Variants in GRID2 observed in about 807,000 individuals in gnomAD.
GRID2 encodes the protein glutamate receptor ionotropic, delta-2.
GRID2 carries 33 observed loss-of-function variants against 114.8 expected under a neutral mutation model. The ratio of observed to expected loss-of-function variants is 0.29; its 90% CI spans 0.22 to 0.38. The LOEUF (loss-of-function observed/expected upper bound fraction) is 0.38, where lower values mean the gene tolerates loss of function less well. Among genes scored for constraint, GRID2 ranks in the 10% least tolerant of loss-of-function variants. GRID2 has a pLI of 1.00. For missense variants in GRID2, 1,184 were observed against 1,257.7 expected (o/e 0.94, Z 0.89); for synonymous variants, 505 against 449.9 (o/e 1.12, Z -1.55).
intron 8 of GRID2, among the ~76,000 whole-genome samples, chr4:93,375,733 T>C (rs1193297050): frequency 6.6e-6 from 1 of 152,198 alleles, no homozygotes. Flanking sequence ...AAACTCTACC[T>C]CAGGTTAATC....
At chr4:92,869,360 C>T (rs1578350558) in intron 2 of GRID2, among the ~76,000 whole-genome samples, 1 of 152,112 alleles carries the variant, frequency 6.6e-6, no homozygotes, top group East Asian at 1.9e-4. Flanking sequence ...ACCCAAAAAA[C>T]ATTTAAATAG....
chr4:93,249,730 C>T (rs1203037947), intron 8 of GRID2, among the ~76,000 whole-genome samples: 1 of 151,612 alleles, frequency 6.6e-6, no homozygotes, highest in Admixed American at 6.6e-5. Flanking sequence ...ATGCAGCCAA[C>T]AAACATATGA....
At chr4:93,065,475 T>G (rs1728216669) in intron 2 of GRID2, among the ~76,000 whole-genome samples, 1 of 151,886 alleles carries the variant, frequency 6.6e-6, no homozygotes, top group South Asian at 2.1e-4. Flanking sequence ...CTGTTTTTAC[T>G]TTATCTCTCC....
At chr4:92,935,111 A>T in intron 2 of GRID2, among the ~76,000 whole-genome samples, 1 of 146,558 alleles carries the variant, frequency 6.8e-6, no homozygotes, top group East Asian at 2.2e-4. Context: ...AACCTACAAA[A>T]TGGGAGAAAA....
intron 2 of GRID2, among the ~76,000 whole-genome samples, chr4:92,652,431 A>G (rs1731988329): frequency 6.6e-6 from 1 of 151,716 alleles, no homozygotes; most frequent in Non-Finnish European, 1.5e-5. Context: ...TATTCCCAGA[A>G]CTTTGGGAGG....
intron 2 of GRID2, among the ~76,000 whole-genome samples, chr4:92,823,436 T>C (rs1283337944): frequency 6.6e-6 from 1 of 152,262 alleles, no homozygotes; most frequent in East Asian, 1.9e-4. Flanking sequence ...GAATCCGTAA[T>C]AGGTGACATG....
intron 2 of GRID2, among the ~76,000 whole-genome samples, chr4:92,713,891 G>A (rs535993654): frequency 4.3e-4 from 66 of 151,766 alleles, no homozygotes; most frequent in African/African-American, 1.4e-3. Flanking sequence ...ATTTGGGTGG[G>A]GACACAGCCA....
At chr4:92,650,893 CA>C (rs921502184) in intron 2 of GRID2, among the ~76,000 whole-genome samples, 5 of 151,908 alleles carry the variant, frequency 3.3e-5, no homozygotes, top group Non-Finnish European at 7.4e-5. Flanking sequence ...GACCCAACCC[CA>C]CAAGGTATTA....
intron 8 of GRID2, among the ~76,000 whole-genome samples, chr4:93,372,364 T>C (rs1466015497): frequency 1.3e-5 from 1 of 75,234 alleles, no homozygotes; most frequent in East Asian, 4.5e-4. Flanking sequence ...CAGTAGGGAT[T>C]ATAGTAAGAA....
chr4:93,690,584 G>A (rs999091272), intron 14 of GRID2, among the ~76,000 whole-genome samples: 1 of 151,792 alleles, frequency 6.6e-6, no homozygotes, highest in Non-Finnish European at 1.5e-5. Context: ...TATTCTTGAG[G>A]AAAATAGTAA....
At chr4:93,524,107 G>A (rs534040173) in intron 13 of GRID2, among the ~76,000 whole-genome samples, 4 of 152,090 alleles carry the variant, frequency 2.6e-5, no homozygotes, top group African/African-American at 7.2e-5. Flanking sequence ...ATATTAACTA[G>A]GTATATGACC....
In GRID2 at chr4:93,578,587, A is replaced by ATTTTTTTTT. The variant is rs59397408; in HGVS notation, c.2194-47666_2194-47658dup. Among the ~76,000 whole-genome samples the ATTTTTTTTT allele has an allele frequency of 3.3e-3, 278 of 83,918 alleles. 7 individuals are homozygous for ATTTTTTTTT. The highest frequency in any genetic ancestry group is 4.5e-3 in the Non-Finnish European group (208 of 45,900). 55.1% of individuals were successfully genotyped at this position (83,918 alleles called of 152,430 possible). A position where few individuals can be genotyped will look rare whatever the true frequency, so the allele number is the denominator to read the frequency against. ...AAAAGAACCTTGTCTTGTTTTTTGTATTTTTTTTTTTTTTTTTTTTTTTTG... is the reference window on the plus strand; with the variant it reads ...AAAAGAACCTTGTCTTGTTTTTTGTATTTTTTTTTTTTTTTTTTTTTTTTTTTTTTTTTG... On this transcript the variant is annotated intron_variant, in intron 13 of 15. Transcript: ENST00000282020.
At chr4:92,862,348 A>G (rs1484933683) in intron 2 of GRID2, among the ~76,000 whole-genome samples, 1 of 152,094 alleles carries the variant, frequency 6.6e-6, no homozygotes, top group East Asian at 1.9e-4. Context: ...TATAACGTGA[A>G]AATTCTAATT....
intron 4 of GRID2, among the ~76,000 whole-genome samples, chr4:93,115,813 G>A (rs1054521706): frequency 6.6e-6 from 1 of 152,088 alleles, no homozygotes; most frequent in Non-Finnish European, 1.5e-5. Context: ...CAAGAGAACA[G>A]TATGAGGGAA....
At chr4:93,729,353 T>C (rs1014905030) in intron 14 of GRID2, among the ~76,000 whole-genome samples, 8 of 152,124 alleles carry the variant, frequency 5.3e-5, no homozygotes, top group African/African-American at 1.9e-4. Flanking sequence ...AACCTCTAAA[T>C]TCAGATTACA....
At chr4:93,188,992 G>A (rs1740711687) in intron 4 of GRID2, among the ~76,000 whole-genome samples, 2 of 152,022 alleles carry the variant, frequency 1.3e-5, no homozygotes, top group African/African-American at 4.8e-5. Context: ...TAAAAAGATT[G>A]AGGCCTTCCC....
At chr4:93,178,050 A>G (rs942106276) in intron 4 of GRID2, among the ~76,000 whole-genome samples, 3 of 150,614 alleles carry the variant, frequency 2.0e-5, no homozygotes, top group Non-Finnish European at 3.0e-5. Context: ...GTCTATAGCT[A>G]TCGTATGGTT....
At chr4:93,410,398 C>CAAATTGCTTCTATTTG (rs1412032719) in intron 9 of GRID2, among the ~76,000 whole-genome samples, 2 of 152,140 alleles carry the variant, frequency 1.3e-5, no homozygotes, top group Non-Finnish European at 2.9e-5. Flanking sequence ...TCTATTTTCA[C>CAAATTGCTTCTATTTG]TTCTCCAAAC....
chr4:93,655,140 G>T (rs890750066), intron 14 of GRID2, among the ~76,000 whole-genome samples: 1 of 152,066 alleles, frequency 6.6e-6, no homozygotes, highest in African/African-American at 2.4e-5. Context: ...TGCCGATAGG[G>T]ATGGCCCTTC....
Sources: gnomAD v4.1 joint callset for allele counts (sites outside exome capture counted in the v4.1 genomes callset) on GRCh38, gnomAD v4.1.1 for gene constraint, MANE v1.5 for transcripts, NCBI Gene and HGNC (gene_info 2026-07-23, HGNC 2026-07-21) for gene names.